The following COL6A5 variants were observed in gnomAD, a reference collection of about 807,000 sequenced individuals.
COL6A5 encodes the protein collagen type VI alpha 5 chain.
COL6A5 carries 48 observed loss-of-function variants against 65.6 expected under a neutral mutation model. The observed-to-expected ratio is 0.73, with a 90% CI of 0.58 to 0.93. The LOEUF (loss-of-function observed/expected upper bound fraction) is 0.93. Among genes scored for constraint, COL6A5 ranks in the 40% least tolerant of loss-of-function variants. The pLI, the probability that COL6A5 is intolerant of heterozygous loss-of-function variation, is 0.00. For missense variants in COL6A5, 914 were observed against 928.3 expected (o/e 0.98, Z 0.20); for synonymous variants, 291 against 322.8 (o/e 0.90, Z 1.05).
At chr3:130,467,347 T>C (rs1046955959) in intron 5 of COL6A5, among the ~76,000 whole-genome samples, 10 of 151,958 alleles carry the variant, frequency 6.6e-5, no homozygotes, top group African/African-American at 2.4e-4. Context: ...TTAATAATAA[T>C]TTATTATATA....
At chr3:130,384,901 G>A (rs887340920) in exon 5 of COL6A5, 27 of 1,550,788 alleles carry the variant, frequency 1.7e-5, no homozygotes, top group Non-Finnish European at 2.4e-5. Context: ...GATTTATGTT[G>A]GAAGTGACAG....
At chr3:130,349,709 G>T (rs746591678) in intron 1 of COL6A5, among the ~76,000 whole-genome samples, 2 of 152,128 alleles carry the variant, frequency 1.3e-5, no homozygotes, top group Non-Finnish European at 2.9e-5. Context: ...TGCTTTAAAT[G>T]TGTATTCTTG....
intron 6 of COL6A5, among the ~76,000 whole-genome samples, chr3:130,389,414 C>T (rs1936316272): frequency 1.3e-5 from 2 of 152,096 alleles, no homozygotes; most frequent in South Asian, 4.1e-4. Flanking sequence ...TTAATACCCA[C>T]ATGCCTGGAT....
At chr3:130,350,967 A>G (rs561320212) in intron 1 of COL6A5, among the ~76,000 whole-genome samples, 2 of 152,338 alleles carry the variant, frequency 1.3e-5, no homozygotes, top group South Asian at 2.1e-4. Flanking sequence ...AAACAGAGAT[A>G]TAGACCAATG....
intron 4 of COL6A5, among the ~76,000 whole-genome samples, chr3:130,382,239 A>G (rs1283507683): frequency 6.6e-6 from 1 of 152,064 alleles, no homozygotes; most frequent in Admixed American, 6.6e-5. Context: ...AACAACAACA[A>G]AAAACACAAA....
At position 130,394,845 on chromosome 3, in the gene COL6A5, C is replaced by T. The variant is rs144121100; in HGVS notation, c.2993-45C>T. The T allele has an allele frequency of 3.2e-4, 464 of 1,442,926 alleles. 2 individuals carry two copies. The East Asian group carries it at 0.01, about 31-fold the overall frequency. 89.4% of individuals were successfully genotyped at this position (1,442,926 alleles called of 1,614,324 possible). On this transcript the variant is annotated intron_variant and NMD_transcript_variant, in intron 7 of 41. Transcript: ENST00000312481. ...AAGTATATGAGGAAAGGAAAAATTT[C>T]GAATGATTCATGAGGAAAATAATTT... is the stretch of plus-strand genomic sequence containing the variant.
chr3:130,413,688 G>A, intron 21 of COL6A5, 108 bp downstream of exon 21: 1 of 1,129,664 alleles, frequency 8.9e-7, no homozygotes. Context: ...AAGGGTATAG[G>A]AAGTGCCCAG....
At chr3:130,369,336 G>C (rs1445477743) in intron 1 of COL6A5, among the ~76,000 whole-genome samples, 2 of 152,128 alleles carry the variant, frequency 1.3e-5, no homozygotes, top group East Asian at 3.8e-4. Flanking sequence ...TGGCATGTTT[G>C]ATTTAGGATT....
chr3:130,349,999 A>T (rs1934641381), intron 1 of COL6A5, among the ~76,000 whole-genome samples: 1 of 152,200 alleles, frequency 6.6e-6, no homozygotes, highest in Non-Finnish European at 1.5e-5. Context: ...GTGTAGTAAG[A>T]AGAAGGAATG....
intron 27 of COL6A5, 134 bp downstream of exon 27, chr3:130,421,494 G>A: frequency 1.2e-6 from 1 of 804,986 alleles, no homozygotes; most frequent in Non-Finnish European, 2.0e-6. Context: ...TGGGCTTCCT[G>A]AGGAAAGAAT....
In COL6A5 at chr3:130,418,851, T is replaced by G; in HGVS notation, c.4888-18T>G. ...TTTGATTTTACTGATCTGAAGCTCT[T>G]CTTGTCCCACTTACTAGGGAGAGCC... On this transcript the variant is annotated intron_variant and NMD_transcript_variant, in intron 24 of 41. Transcript: ENST00000312481. The G allele has an allele frequency of 6.5e-7, 1 of 1,548,226 alleles. No individual in the cohort carries two copies. Among genetic ancestry groups the G allele is most frequent in the Non-Finnish European group, 8.7e-7 (1 of 1,144,064 alleles).
At chr3:130,453,185 A>C (rs1320340065) in intron 4 of COL6A5, among the ~76,000 whole-genome samples, 1 of 152,170 alleles carries the variant, frequency 6.6e-6, no homozygotes, top group Non-Finnish European at 1.5e-5. Flanking sequence ...TAAAGTAAAG[A>C]CAGGCATAGG....
chr3:130,476,480 A>G (rs757430664), intron 7 of COL6A5, among the ~76,000 whole-genome samples: 7 of 152,024 alleles, frequency 4.6e-5, no homozygotes, highest in Non-Finnish European at 8.8e-5. Flanking sequence ...AAACTTGTCT[A>G]TACATTAGAA....
intron 20 of COL6A5, 65 bp downstream of exon 20, chr3:130,410,589 A>G (rs952415530): frequency 1.5e-5 from 21 of 1,365,688 alleles, no homozygotes; most frequent in Non-Finnish European, 2.0e-5. Context: ...GGCATTCAGA[A>G]TATTTGTTGT....
intron 1 of COL6A5, among the ~76,000 whole-genome samples, chr3:130,348,502 T>A (rs1466783311): frequency 3.9e-5 from 6 of 152,350 alleles, no homozygotes; most frequent in African/African-American, 1.4e-4. Context: ...ATGTGCCACA[T>A]TTTCTTTATC....
chr3:130,371,017 C>T (rs2107632390), intron 1 of COL6A5, among the ~76,000 whole-genome samples: 1 of 152,284 alleles, frequency 6.6e-6, no homozygotes, highest in South Asian at 2.1e-4. Context: ...ACTCTCTAAA[C>T]ATACACCCAA....
chr3:130,403,683 CT>C lies in COL6A5; in HGVS notation c.4281+22del, dbSNP rs556203343. 8.4e-4 allele frequency: 1,303 copies of C among 1,543,064 alleles called. 9 individuals are homozygous for C. In the African/African-American group the frequency reaches 0.015, roughly 17 times the overall value. On this transcript the variant is annotated intron_variant and NMD_transcript_variant, in intron 13 of 41. Coordinates refer to the COL6A5 transcript ENST00000312481. ...ACCCTGTAAGTTTTTATTACTCCCC[CT>C]CACCCCCTGTTGCACACACACTGTA...
chr3:130,470,473 G>A (rs1709919710), intron 6 of COL6A5, among the ~76,000 whole-genome samples: 2 of 151,738 alleles, frequency 1.3e-5, no homozygotes, highest in Admixed American at 6.6e-5. Flanking sequence ...AAGATAAGTA[G>A]GGCAGACAAT....
At chr3:130,423,336 A>G (rs151062254) in intron 28 of COL6A5, among the ~76,000 whole-genome samples, 24 of 152,260 alleles carry the variant, frequency 1.6e-4, no homozygotes, top group African/African-American at 5.3e-4. Flanking sequence ...TTTGAGTGCC[A>G]TATCAGTGGT....
Sources: allele counts gnomAD v4.1 joint callset (sites outside exome capture counted in the v4.1 genomes callset), GRCh38; gene constraint gnomAD v4.1.1; transcripts MANE v1.5; gene names NCBI Gene and HGNC (gene_info 2026-07-23, HGNC 2026-07-21).